Variants in EZR observed in about 807,000 individuals in gnomAD.
The protein encoded by EZR is cytovillin 2.
In EZR, 40 loss-of-function variants were observed where a neutral mutation model predicts 74.8. That is an observed-to-expected ratio of 0.53 (90% CI 0.42 to 0.70). The LOEUF (loss-of-function observed/expected upper bound fraction) is 0.70. EZR is among the 30% of genes least tolerant of loss of function. The pLI is 0.00. For synonymous variants in EZR, 341 were observed against 283.3 expected (o/e 1.20, Z -2.05); for missense variants, 678 against 755.8 (o/e 0.90, Z 1.21).
chr6:158,799,801 G>A (rs759899985), intron 2 of EZR, among the ~76,000 whole-genome samples: 4 of 152,230 alleles, frequency 2.6e-5, no homozygotes, highest in Non-Finnish European at 5.9e-5. Context: ...ATTGTCTGTA[G>A]GTTTTTTTAA....
At chr6:158,767,131 C>T in intron 13 of EZR, 53 bp from the exon 14 acceptor site, 1 of 1,603,492 alleles carries the variant, frequency 6.2e-7, no homozygotes, top group Non-Finnish European at 8.5e-7. Context: ...ATGGCCCGGC[C>T]CGTCCCCTAG....
chr6:158,768,988 T>A (rs1791009490), intron 12 of EZR, among the ~76,000 whole-genome samples: 1 of 152,114 alleles, frequency 6.6e-6, no homozygotes, highest in South Asian at 2.1e-4. Flanking sequence ...TAATTAGATT[T>A]AAAACCAGTT....
chr6:158,766,764 C>T lies in EZR; in HGVS notation c.*150G>A, dbSNP rs999168713. On this transcript the variant is annotated 3_prime_UTR_variant, in exon 14 of 14. Coordinates refer to ENST00000367075, the MANE Select transcript of EZR (RefSeq NM_001111077.2). ...ACAAACCAGGGCGCCTCCCTGGTTC[C>T]CAGCCCAGAATGTTTCTGTTGGGTA... is the stretch of plus-strand genomic sequence containing the variant. 1.3e-5 allele frequency: 11 copies of T among 822,986 alleles called. No homozygotes were observed. The highest frequency in any genetic ancestry group is 1.9e-5 in the Non-Finnish European group (10 of 514,786). 51.0% of individuals were successfully genotyped at this position (822,986 alleles called of 1,614,324 possible). A position where few individuals can be genotyped will look rare whatever the true frequency, so the allele number is the denominator to read the frequency against.
intron 2 of EZR, among the ~76,000 whole-genome samples, chr6:158,803,626 CATATACATACATATAT>C (rs1777262692): frequency 1.1e-4 from 2 of 18,314 alleles, no homozygotes; most frequent in African/African-American, 4.1e-4. Context: ...TATATATATA[CATATACATACATATAT>C]ATATATATAT....
intron 6 of EZR, 113 bp downstream of exon 6, chr6:158,784,531 G>A: frequency 1.1e-6 from 1 of 892,680 alleles, no homozygotes; most frequent in Non-Finnish European, 1.7e-6. Context: ...TTCCCTCAAG[G>A]TCTTCACAAG....
chr6:158,814,443 AT>A (rs60530466), intron 2 of EZR, among the ~76,000 whole-genome samples: 5,869 of 151,850 alleles, frequency 0.039, 363 homozygotes, highest in African/African-American at 0.14. Context: ...CAATTTCAGC[AT>A]TTACCCCGCA....
intron 12 of EZR, 29 bp downstream of exon 12, chr6:158,769,297 G>T: frequency 6.3e-7 from 1 of 1,595,206 alleles, no homozygotes; most frequent in Non-Finnish European, 8.5e-7. Context: ...TGCTGTGGCC[G>T]TGCGGAGGTG....
chr6:158,767,444 C>T lies in EZR; in HGVS notation c.1413G>A (p.Pro471=), dbSNP rs775649747. 36 of 1,596,746 alleles carry T rather than the reference C, an allele frequency of 2.3e-5. No homozygotes were observed. Among genetic ancestry groups the T allele is most frequent in the South Asian group, 2.2e-4 (20 of 90,376 alleles). ...EELHLVMTAP[P]PPPPPVYEPV... ...GCTCGTACACGGGGGGTGGTGGGGG[C>T]GGGGGTGCTGTCATCACCAGGTGCA... The change falls in exon 13 of 14, where the codon CCG becomes CCA. Residue 471 remains proline, a synonymous_variant. Coordinates refer to ENST00000367075, the MANE Select transcript of EZR (RefSeq NM_001111077.2).
At chr6:158,809,375 C>G (rs962395419) in intron 2 of EZR, among the ~76,000 whole-genome samples, 1 of 152,206 alleles carries the variant, frequency 6.6e-6, no homozygotes, top group Non-Finnish European at 1.5e-5. Context: ...ATTTACATAA[C>G]ATTCTCTTTC....
At chr6:158,816,886 G>A (rs1468489978) in intron 2 of EZR, among the ~76,000 whole-genome samples, 1 of 152,156 alleles carries the variant, frequency 6.6e-6, no homozygotes, top group Non-Finnish European at 1.5e-5. Context: ...AGGAGTTTTA[G>A]ACCAGCCTGG....
intron 1 of EZR, among the ~76,000 whole-genome samples, chr6:158,818,497 G>A (rs973975565): frequency 6.6e-6 from 1 of 150,848 alleles, no homozygotes; most frequent in Non-Finnish European, 1.5e-5. Flanking sequence ...CTGGTGGGGG[G>A]CGCAGGCCCG....
At chr6:158,772,662 TACAAGACAGA>T (rs1248785363) in intron 8 of EZR, among the ~76,000 whole-genome samples, 1 of 152,200 alleles carries the variant, frequency 6.6e-6, no homozygotes, top group Non-Finnish European at 1.5e-5. Flanking sequence ...GTGATTAGCT[TACAAGACAGA>T]AGAATATGGT....
At chr6:158,784,771 G>A (rs576184248) in intron 5 of EZR, 44 bp from the exon 6 acceptor site, 2 of 1,569,020 alleles carry the variant, frequency 1.3e-6, no homozygotes, top group African/African-American at 2.7e-5. Flanking sequence ...TAAGGAATGT[G>A]ACAGGCAAGG....
chr6:158,771,242 A>T lies in EZR; in HGVS notation c.959+2T>A. On this transcript the variant is annotated splice_donor_variant, in intron 9 of 13. Coordinates refer to ENST00000367075, the MANE Select transcript of EZR (RefSeq NM_001111077.2). LOFTEE classifies it high-confidence loss of function. ...CCCCCCACTCTGGCCTCACGCGCTC[A>T]CCGCTCCAGCTGCTTCTGATGCTTC... is the stretch of plus-strand genomic sequence containing the variant. 1 of 1,610,004 alleles carries T rather than the reference A, an allele frequency of 6.2e-7. No individual in the cohort carries two copies. Among genetic ancestry groups the T allele is most frequent in the Non-Finnish European group, 8.5e-7 (1 of 1,178,060 alleles).
chr6:158,790,656 G>A (rs1021421948), intron 2 of EZR, among the ~76,000 whole-genome samples: 1 of 151,414 alleles, frequency 6.6e-6, no homozygotes, highest in African/African-American at 2.4e-5. Flanking sequence ...CCTCGGCTCC[G>A]GAGCAAGACT....
intron 7 of EZR, among the ~76,000 whole-genome samples, chr6:158,781,421 A>G (rs1355481193): frequency 1.3e-5 from 2 of 152,010 alleles, no homozygotes; most frequent in African/African-American, 4.8e-5. Context: ...GGGGAGGGGG[A>G]GCAGAGCGCA....
intron 2 of EZR, among the ~76,000 whole-genome samples, chr6:158,790,088 C>T (rs1303870477): frequency 6.6e-6 from 1 of 152,132 alleles, no homozygotes; most frequent in African/African-American, 2.4e-5. Context: ...TTGAAGCAAC[C>T]TTAGAAACCA....
chr6:158,769,595 C>G (rs998429171), intron 11 of EZR, among the ~76,000 whole-genome samples, 177 bp from the exon 12 acceptor site: 2 of 152,172 alleles, frequency 1.3e-5, no homozygotes, highest in African/African-American at 4.8e-5. Context: ...TTCCTGGATG[C>G]CCACACCCAC....
chr6:158,804,219 A>G (rs946927063), intron 2 of EZR, among the ~76,000 whole-genome samples: 14 of 152,128 alleles, frequency 9.2e-5, no homozygotes, highest in African/African-American at 1.9e-4. Context: ...AATAACATAC[A>G]TTGTGTGTTA....
Sources: gnomAD v4.1 joint callset for allele counts (sites outside exome capture counted in the v4.1 genomes callset) on GRCh38, gnomAD v4.1.1 for gene constraint, MANE v1.5 for transcripts, NCBI Gene and HGNC (gene_info 2026-07-23, HGNC 2026-07-21) for gene names.